EEF2K: variants seen among roughly 807,000 people sequenced by gnomAD.
EEF2K encodes eukaryotic elongation factor 2 kinase.
A neutral mutation model predicts 93.8 loss-of-function variants in EEF2K; 70 were observed. That is an observed-to-expected ratio of 0.75 (90% CI 0.62 to 0.91). EEF2K has a LOEUF of 0.91. EEF2K is among the 40% of genes least tolerant of loss of function. The pLI is 0.00. For synonymous variants in EEF2K, 376 were observed against 380.8 expected (o/e 0.99, Z 0.15); for missense variants, 935 against 972.9 (o/e 0.96, Z 0.52).
At chr16:22,233,346 G>A (rs537083437) in intron 2 of EEF2K, among the ~76,000 whole-genome samples, 9 of 152,142 alleles carry the variant, frequency 5.9e-5, no homozygotes, top group Admixed American at 5.9e-4. Context: ...GCAAATACAT[G>A]TTTTTAATTT....
chr16:22,283,672 G>A (rs927068449), intron 17 of EEF2K, among the ~76,000 whole-genome samples: 1 of 152,146 alleles, frequency 6.6e-6, no homozygotes, highest in Non-Finnish European at 1.5e-5. Flanking sequence ...CTGTAGCTTG[G>A]TGGGGGATAG....
At chr16:22,267,784 AGCAGGGTGTGGACCT>A (rs1318054608) in intron 15 of EEF2K, among the ~76,000 whole-genome samples, 6 of 152,184 alleles carry the variant, frequency 3.9e-5, no homozygotes, top group Non-Finnish European at 8.8e-5. Flanking sequence ...GAGCTGAAGC[AGCAGGGTGTGGACCT>A]GCAGGGAAAT....
chr16:22,251,986 G>C (rs533898455), intron 6 of EEF2K, among the ~76,000 whole-genome samples: 2 of 151,578 alleles, frequency 1.3e-5, no homozygotes, highest in South Asian at 4.2e-4. Flanking sequence ...TAGAGAAAGG[G>C]TTTTGCCATG....
At chr16:22,265,928 G>A (rs544167000) in intron 13 of EEF2K, among the ~76,000 whole-genome samples, 1 of 152,294 alleles carries the variant, frequency 6.6e-6, no homozygotes, top group Admixed American at 6.5e-5. Context: ...TGGCGAAGGG[G>A]TTGGTTTAGA....
In EEF2K at chr16:22,225,651, T is replaced by C; in HGVS notation, c.-76-3T>C. 6.4e-7 allele frequency: 1 copy of C among 1,559,552 alleles called. No individual in the cohort carries two copies. Among genetic ancestry groups the C allele is most frequent in the Non-Finnish European group, 8.7e-7 (1 of 1,153,642 alleles). ...CACTCTCTGGCCCTTGCTTTCCTTG[T>C]AGGACCTTCGCCTCTGCATTTGTCC... On this transcript the variant is annotated splice_region_variant and splice_polypyrimidine_tract_variant and intron_variant, in intron 1 of 17. Transcript: ENST00000263026.
intron 3 of EEF2K, among the ~76,000 whole-genome samples, chr16:22,247,260 G>A (rs1214332241): frequency 6.6e-6 from 1 of 151,068 alleles, no homozygotes; most frequent in Non-Finnish European, 1.5e-5. Flanking sequence ...GGCCAACATG[G>A]TGAAACTCCA....
At chr16:22,282,683 C>T (rs13335318) in intron 17 of EEF2K, among the ~76,000 whole-genome samples, 3,914 of 152,354 alleles carry the variant, frequency 0.026, 174 homozygotes, top group African/African-American at 0.089. Flanking sequence ...AGCACCAAGG[C>T]CTGTGCCAGA....
At chr16:22,264,315 AAAGT>A (rs2047495818) in intron 12 of EEF2K, among the ~76,000 whole-genome samples, 1 of 143,700 alleles carries the variant, frequency 7.0e-6, no homozygotes, top group African/African-American at 2.8e-5. Context: ...AAAAAAAAAA[AAAGT>A]AAAACAGCTG....
intron 1 of EEF2K, among the ~76,000 whole-genome samples, chr16:22,222,993 CCCCATTT>C (rs1354307429): frequency 5.3e-5 from 8 of 152,098 alleles, no homozygotes; most frequent in Admixed American, 1.3e-4. Context: ...AGCAATCATT[CCCCATTT>C]CCCCCAACCA....
chr16:22,273,966 G>A lies in EEF2K; in HGVS notation c.1889+216G>A, dbSNP rs2047610114. On this transcript the variant is annotated intron_variant, in intron 16 of 17. Transcript: ENST00000263026. ...TGTATCCTGGGGTTGTCCCATGAAG[G>A]GTAAACGAGATGCTGACTGTAACCC... Among the ~76,000 whole-genome samples the A allele has an allele frequency of 3.9e-5, 6 of 152,316 alleles. 1 individual carries two copies. In the South Asian group the frequency reaches 1.2e-3, roughly 32 times the overall value.
In EEF2K at chr16:22,251,216, G is replaced by T. The variant is rs777834802; in HGVS notation, c.512G>T (p.Arg171Leu). The T allele has an allele frequency of 3.1e-6, 5 of 1,614,098 alleles. No homozygotes were observed. Among genetic ancestry groups the T allele is most frequent in the African/African-American group, 1.3e-5 (1 of 75,038 alleles). ...GGCGCCTCCAACTACGTGGCGAAGC[G>T]CTACATCGAGCCCGTAGACCGGGAT... ...WKGASNYVAK[R>L]YIEPVDRDVY... Residue 171 changes from arginine (R) to leucine (L), a missense_variant, in exon 6 of 18, where the codon CGC becomes CTC. Transcript: ENST00000263026.
At chr16:22,278,111 A>G (rs2047656610) in intron 16 of EEF2K, among the ~76,000 whole-genome samples, 2 of 152,096 alleles carry the variant, frequency 1.3e-5, no homozygotes, top group Admixed American at 1.3e-4. Context: ...GGAGGTTAAA[A>G]TGGGAGGATT....
intron 6 of EEF2K, among the ~76,000 whole-genome samples, chr16:22,256,140 A>C (rs1159140871): frequency 6.6e-6 from 1 of 151,592 alleles, no homozygotes; most frequent in Non-Finnish European, 1.5e-5. Flanking sequence ...CTTGTTGCTC[A>C]GGGCTGGAGT....
At chr16:22,275,648 A>C (rs1229252522) in intron 16 of EEF2K, among the ~76,000 whole-genome samples, 2 of 142,402 alleles carry the variant, frequency 1.4e-5, no homozygotes, top group Non-Finnish European at 3.1e-5. Context: ...CAGCCTTTTT[A>C]TTTTATTTTT....
At chr16:22,277,625 G>A (rs542075641) in intron 16 of EEF2K, among the ~76,000 whole-genome samples, 1 of 152,184 alleles carries the variant, frequency 6.6e-6, no homozygotes, top group East Asian at 1.9e-4. Flanking sequence ...TCTAGTCAAG[G>A]GACACCATGA....
chr16:22,232,344 A>T (rs2047124425), intron 2 of EEF2K, among the ~76,000 whole-genome samples: 1 of 152,070 alleles, frequency 6.6e-6, no homozygotes. Flanking sequence ...CTCCCACCTC[A>T]GCCTCCTGAG....
intron 15 of EEF2K, 145 bp from the exon 16 acceptor site, chr16:22,273,481 A>G (rs1053505714): frequency 9.2e-6 from 11 of 1,192,762 alleles, no homozygotes; most frequent in Non-Finnish European, 1.3e-5. Flanking sequence ...CTCTGGAGTC[A>G]AGTGCCCCCT....
chr16:22,260,374 C>A, intron 10 of EEF2K, 88 bp from the exon 11 acceptor site: 1 of 1,284,306 alleles, frequency 7.8e-7, no homozygotes, highest in Non-Finnish European at 1.1e-6. Context: ...GGCTTGGTGG[C>A]AGGTATGGAC....
At chr16:22,228,139 T>C (rs1343451807) in intron 2 of EEF2K, among the ~76,000 whole-genome samples, 1 of 151,142 alleles carries the variant, frequency 6.6e-6, no homozygotes, top group East Asian at 2.0e-4. Flanking sequence ...TTATGAATCA[T>C]TACTTTTGAA....
Sources: gnomAD v4.1 joint callset for allele counts (sites outside exome capture counted in the v4.1 genomes callset) on GRCh38, gnomAD v4.1.1 for gene constraint, MANE v1.5 for transcripts, NCBI Gene and HGNC (gene_info 2026-07-23, HGNC 2026-07-21) for gene names.